Variants in SH3KBP1 observed in about 807,000 individuals in gnomAD.
SH3KBP1 encodes SH3 domain containing kinase binding protein 1, also known as SH3 domain-containing kinase-binding protein 1.
In SH3KBP1, 8 loss-of-function variants were observed where a neutral mutation model predicts 50.1. That is an observed-to-expected ratio of 0.16 (90% CI 0.09 to 0.29). The LOEUF (loss-of-function observed/expected upper bound fraction) is 0.29, where lower values mean the gene tolerates loss of function less well. Among genes scored for constraint, SH3KBP1 ranks in the 10% least tolerant of loss-of-function variants. The pLI, the probability that SH3KBP1 is intolerant of heterozygous loss-of-function variation, is 1.00. For missense variants in SH3KBP1, 377 were observed against 535.2 expected, an observed-to-expected ratio of 0.70 and a Z score of 2.92; for synonymous variants, 227 against 218.6, an observed-to-expected ratio of 1.04 and a Z score of -0.34.
intron 8 of SH3KBP1, among the ~76,000 whole-genome samples, chrX:19,621,012 G>GTTTTTT (rs57010197): frequency 1.5e-5 from 1 of 68,718 alleles, no homozygotes; most frequent in African/African-American, 6.0e-5. Context: ...GTTCAGGTTG[G>GTTTTTT]TTTTTTTTTT....
chrX:19,887,392 G>A lies in SH3KBP1; in HGVS notation c.-82C>T, dbSNP rs2069628526. On this transcript the variant is annotated 5_prime_UTR_variant, in exon 1 of 18. Coordinates refer to ENST00000397821, the MANE Select transcript of SH3KBP1 (RefSeq NM_031892.3). ...TGGGGGTTGGGGCGCCGGGATCGGG[G>A]CGCTGGGATCCAGGCGCGAGGGTCC... 3.6e-6 allele frequency: 3 copies of A among 825,759 alleles called. No individual in the cohort carries two copies. The highest frequency in any genetic ancestry group is 4.6e-6 in the Non-Finnish European group (3 of 658,430). The allele number at this position is 825,759 out of a possible 1,213,427, so 68.1% of individuals were successfully genotyped here.
chrX:19,801,722 A>G (rs1217775485), intron 2 of SH3KBP1, among the ~76,000 whole-genome samples: 1 of 111,505 alleles, frequency 9.0e-6, no homozygotes, highest in Non-Finnish European at 1.9e-5. Context: ...AAAAGCACTG[A>G]CTGGGATACT....
intron 3 of SH3KBP1, among the ~76,000 whole-genome samples, chrX:19,720,443 A>G (rs997756587): frequency 1.8e-5 from 2 of 111,908 alleles, no homozygotes; most frequent in Admixed American, 9.4e-5. Context: ...ATTTTGGCAA[A>G]ATGCCCAAAA....
At chrX:19,616,994 G>T (rs1602676252) in intron 8 of SH3KBP1, among the ~76,000 whole-genome samples, 1 of 111,398 alleles carries the variant, frequency 9.0e-6, no homozygotes, top group South Asian at 3.8e-4. Context: ...AAATCATCTA[G>T]ATCTATACAT....
At chrX:19,817,565 G>A (rs940591845) in intron 2 of SH3KBP1, among the ~76,000 whole-genome samples, 2 of 112,112 alleles carry the variant, frequency 1.8e-5, no homozygotes, top group African/African-American at 6.5e-5. Flanking sequence ...CAACATATAC[G>A]TCAATGGTCC....
At chrX:19,749,389 T>G (rs1412199279) in intron 2 of SH3KBP1, among the ~76,000 whole-genome samples, 4 of 112,573 alleles carry the variant, frequency 3.6e-5, no homozygotes, top group Non-Finnish European at 7.5e-5. Context: ...TTATACATAA[T>G]AGCCAAAAGA....
chrX:19,798,859 G>A (rs759235319), intron 2 of SH3KBP1, among the ~76,000 whole-genome samples: 2 of 112,294 alleles, frequency 1.8e-5, no homozygotes, highest in Non-Finnish European at 3.8e-5. Context: ...CAAGCACCAG[G>A]TGCCTTCACA....
chrX:19,859,530 T>C (rs1234218533), intron 1 of SH3KBP1, among the ~76,000 whole-genome samples: 2 of 111,782 alleles, frequency 1.8e-5, no homozygotes, highest in African/African-American at 6.5e-5. Context: ...TGGAAGATAG[T>C]CCCCCAAATT....
chrX:19,546,160 T>C (rs989466912), intron 14 of SH3KBP1, 110 bp from the exon 15 acceptor site: 1 of 917,061 alleles, frequency 1.1e-6, no homozygotes, highest in Admixed American at 2.6e-5. Flanking sequence ...CTATTTTGTC[T>C]TCTCACGATA....
At chrX:19,592,417 G>C (rs368000438) in intron 10 of SH3KBP1, among the ~76,000 whole-genome samples, 16 of 111,752 alleles carry the variant, frequency 1.4e-4, no homozygotes, top group African/African-American at 4.6e-4. Context: ...GATTTCCTTA[G>C]GCATCAATAT....
chrX:19,558,259 C>T (rs2065553278), intron 13 of SH3KBP1, among the ~76,000 whole-genome samples: 1 of 112,046 alleles, frequency 8.9e-6, no homozygotes, highest in African/African-American at 3.2e-5. Flanking sequence ...AGAAATTAAT[C>T]CATAGAAATG....
chrX:19,661,283 T>C (rs1232178925), intron 6 of SH3KBP1, among the ~76,000 whole-genome samples: 1 of 112,348 alleles, frequency 8.9e-6, no homozygotes, highest in African/African-American at 3.2e-5. Context: ...TTCTCCCAGA[T>C]CTGGTCCTCT....
At chrX:19,622,667 A>G (rs1300866803) in intron 8 of SH3KBP1, among the ~76,000 whole-genome samples, 1 of 112,514 alleles carries the variant, frequency 8.9e-6, no homozygotes, top group East Asian at 2.8e-4. Flanking sequence ...AGAAATGCAC[A>G]CAAAGACTGT....
At chrX:19,829,365 A>G (rs1452026375) in intron 2 of SH3KBP1, among the ~76,000 whole-genome samples, 1 of 111,102 alleles carries the variant, frequency 9.0e-6, no homozygotes, top group Non-Finnish European at 1.9e-5. Context: ...ATGATGATCA[A>G]TTTCCTAGGG....
At chrX:19,608,828 T>A (rs1433821764) in intron 8 of SH3KBP1, among the ~76,000 whole-genome samples, 3 of 112,226 alleles carry the variant, frequency 2.7e-5, no homozygotes, top group Non-Finnish European at 5.6e-5. Flanking sequence ...TGCACTGCTC[T>A]CCTTCACCTT....
At chrX:19,801,988 G>T (rs775110070) in intron 2 of SH3KBP1, among the ~76,000 whole-genome samples, 17 of 111,378 alleles carry the variant, frequency 1.5e-4, no homozygotes, top group Middle Eastern at 4.6e-3. Flanking sequence ...TGAGACAGAA[G>T]GATCACTTGA....
intron 1 of SH3KBP1, among the ~76,000 whole-genome samples, chrX:19,881,210 C>T (rs780174724): frequency 8.9e-6 from 1 of 111,760 alleles, no homozygotes; most frequent in Non-Finnish European, 1.9e-5. Flanking sequence ...CCGAGCTTCA[C>T]GAAGGCTTCA....
At chrX:19,659,352 T>C (rs1405403578) in intron 6 of SH3KBP1, among the ~76,000 whole-genome samples, 1 of 110,091 alleles carries the variant, frequency 9.1e-6, no homozygotes, top group African/African-American at 3.3e-5. Flanking sequence ...TGACCTCAGG[T>C]GATCCGCCCG....
chrX:19,597,973 C>A (rs2066957903), intron 9 of SH3KBP1, among the ~76,000 whole-genome samples: 1 of 112,822 alleles, frequency 8.9e-6, no homozygotes, highest in Non-Finnish European at 1.9e-5. Flanking sequence ...TAACTTGCTG[C>A]AGCTTCTCCA....
Sources: allele counts gnomAD v4.1 joint callset (sites outside exome capture counted in the v4.1 genomes callset), GRCh38; gene constraint gnomAD v4.1.1; transcripts MANE v1.5; gene names NCBI Gene and HGNC (gene_info 2026-07-23, HGNC 2026-07-21).